Variants in SLC35F1 observed in about 807,000 individuals in gnomAD.
The protein encoded by SLC35F1 is solute carrier family 35 member F1, also known as chromosome 6 open reading frame 169.
In SLC35F1, 14 loss-of-function variants were observed where a neutral mutation model predicts 48.7. That is an observed-to-expected ratio of 0.29 (90% CI 0.19 to 0.45). The LOEUF (loss-of-function observed/expected upper bound fraction) is 0.45, where lower values mean the gene tolerates loss of function less well. Ranked by LOEUF, SLC35F1 falls within the 20% of genes least tolerant of loss-of-function variation. The pLI, the probability that SLC35F1 is intolerant of heterozygous loss-of-function variation, is 1.00. For missense variants in SLC35F1, 404 were observed against 500.0 expected (o/e 0.81, Z 1.83); for synonymous variants, 190 against 202.2 (o/e 0.94, Z 0.51).
intron 1 of SLC35F1, among the ~76,000 whole-genome samples, chr6:117,936,205 G>T (rs1371289254): frequency 6.6e-6 from 1 of 152,196 alleles, no homozygotes; most frequent in Non-Finnish European, 1.5e-5. Flanking sequence ...GTGTTTAAAT[G>T]CTCCTCTTCT....
chr6:117,920,350 G>A (rs1775882161), intron 1 of SLC35F1, among the ~76,000 whole-genome samples: 1 of 152,196 alleles, frequency 6.6e-6, no homozygotes, highest in Non-Finnish European at 1.5e-5. Flanking sequence ...GAGCTGGGAC[G>A]GACCTTTGTA....
intron 7 of SLC35F1, among the ~76,000 whole-genome samples, chr6:118,300,864 C>A (rs1321086494): frequency 1.3e-5 from 2 of 152,132 alleles, no homozygotes; most frequent in African/African-American, 4.8e-5. Flanking sequence ...TCAGCTTTAG[C>A]AATGTGACTG....
intron 1 of SLC35F1, among the ~76,000 whole-genome samples, chr6:117,915,973 A>T (rs1200728387): frequency 6.6e-6 from 1 of 152,222 alleles, no homozygotes; most frequent in Non-Finnish European, 1.5e-5. Flanking sequence ...AGTGCCTGTC[A>T]AATAATGGGT....
intron 7 of SLC35F1, among the ~76,000 whole-genome samples, chr6:118,294,013 G>A (rs1344311651): frequency 6.6e-6 from 1 of 152,204 alleles, no homozygotes; most frequent in African/African-American, 2.4e-5. Context: ...ACTTCAAGGT[G>A]ATGAGATTTG....
intron 1 of SLC35F1, among the ~76,000 whole-genome samples, chr6:118,040,219 A>T (rs1169759331): frequency 6.6e-6 from 1 of 152,158 alleles, no homozygotes; most frequent in Non-Finnish European, 1.5e-5. Flanking sequence ...ATGGCAAAGA[A>T]TCAGAGTTTT....
chr6:117,940,595 G>A (rs916053452), intron 1 of SLC35F1, among the ~76,000 whole-genome samples: 1 of 152,026 alleles, frequency 6.6e-6, no homozygotes, highest in East Asian at 1.9e-4. Flanking sequence ...ATCAACCTGT[G>A]TTCCGCAACA....
chr6:118,047,462 T>C (rs1582637228), intron 1 of SLC35F1, among the ~76,000 whole-genome samples: 2 of 152,276 alleles, frequency 1.3e-5, no homozygotes, highest in South Asian at 2.1e-4. Flanking sequence ...TTTTAGTAGA[T>C]ATGAACTTTT....
intron 2 of SLC35F1, among the ~76,000 whole-genome samples, chr6:118,206,691 G>A (rs1774939343): frequency 2.0e-5 from 3 of 152,124 alleles, no homozygotes; most frequent in Admixed American, 6.5e-5. Context: ...ATGTAGTTGG[G>A]CCACTTGAGA....
intron 1 of SLC35F1, among the ~76,000 whole-genome samples, chr6:117,997,891 A>T (rs1777020154): frequency 6.6e-6 from 1 of 152,156 alleles, no homozygotes; most frequent in African/African-American, 2.4e-5. Context: ...ACCAGCTAAC[A>T]TCATAATGAC....
chr6:118,000,255 T>A (rs546333685), intron 1 of SLC35F1, among the ~76,000 whole-genome samples: 13 of 152,168 alleles, frequency 8.5e-5, no homozygotes, highest in Non-Finnish European at 1.8e-4. Flanking sequence ...TCTACCATGA[T>A]CAAGGGGGCT....
chr6:118,132,277 A>G (rs773744118), intron 1 of SLC35F1, among the ~76,000 whole-genome samples: 1 of 152,194 alleles, frequency 6.6e-6, no homozygotes, highest in Non-Finnish European at 1.5e-5. Context: ...GAAGTAAAAT[A>G]CAAGTTGTGA....
At chr6:118,109,679 C>T (rs552690339) in intron 1 of SLC35F1, among the ~76,000 whole-genome samples, 3 of 151,728 alleles carry the variant, frequency 2.0e-5, no homozygotes, top group East Asian at 3.9e-4. Flanking sequence ...AGAAAAGGAA[C>T]CTGAAAAAAA....
At chr6:118,162,749 G>A (rs760868709) in intron 2 of SLC35F1, among the ~76,000 whole-genome samples, 1 of 152,034 alleles carries the variant, frequency 6.6e-6, no homozygotes, top group African/African-American at 2.4e-5. Context: ...CCCAAAAATT[G>A]TACCTGCATC....
At chr6:118,311,037 T>C (rs867915576) in intron 7 of SLC35F1, among the ~76,000 whole-genome samples, 17 of 152,164 alleles carry the variant, frequency 1.1e-4, no homozygotes, top group African/African-American at 4.1e-4. Context: ...ATTATTTCAA[T>C]TGCCAAATCC....
At chr6:118,150,640 A>T (rs1774042164) in intron 1 of SLC35F1, among the ~76,000 whole-genome samples, 1 of 152,192 alleles carries the variant, frequency 6.6e-6, no homozygotes, top group East Asian at 1.9e-4. Flanking sequence ...CATACTCAGC[A>T]TCAAGAACAA....
At chr6:118,239,216 G>A (rs1775405219) in intron 3 of SLC35F1, among the ~76,000 whole-genome samples, 1 of 149,112 alleles carries the variant, frequency 6.7e-6, no homozygotes, top group Admixed American at 6.8e-5. Flanking sequence ...TGAATCTCTA[G>A]TACCTAGAGG....
chr6:118,286,985 A>G (rs1402127448), intron 7 of SLC35F1, among the ~76,000 whole-genome samples: 1 of 152,140 alleles, frequency 6.6e-6, no homozygotes, highest in Non-Finnish European at 1.5e-5. Flanking sequence ...TTCCTATTTT[A>G]TATGGAGCCT....
At chr6:118,281,756 C>T (rs1775987370) in intron 6 of SLC35F1, among the ~76,000 whole-genome samples, 1 of 152,194 alleles carries the variant, frequency 6.6e-6, no homozygotes, top group African/African-American at 2.4e-5. Flanking sequence ...TTCCCCATCA[C>T]CCATTTGAAC....
chr6:118,076,778 G>A (rs1050034363), intron 1 of SLC35F1, among the ~76,000 whole-genome samples: 2 of 152,078 alleles, frequency 1.3e-5, no homozygotes, highest in African/African-American at 4.8e-5. Context: ...ACGATATACT[G>A]AATGATTCCA....
Sources: allele counts gnomAD v4.1 joint callset (sites outside exome capture counted in the v4.1 genomes callset), GRCh38; gene constraint gnomAD v4.1.1; transcripts MANE v1.5; gene names NCBI Gene and HGNC (gene_info 2026-07-23, HGNC 2026-07-21).